CAMKK2: variants seen among roughly 807,000 people sequenced by gnomAD.
CAMKK2 encodes calcium/calmodulin-dependent protein kinase kinase 2.
In CAMKK2, 30 loss-of-function variants were observed where a neutral mutation model predicts 67.2. The ratio of observed to expected loss-of-function variants is 0.45; its 90% CI spans 0.33 to 0.61. CAMKK2 has a LOEUF of 0.61. CAMKK2 is among the 20% of genes least tolerant of loss of function. CAMKK2 has a pLI of 0.02. For synonymous variants in CAMKK2, 322 were observed against 326.2 expected (o/e 0.99, Z 0.14); for missense variants, 643 against 802.0 (o/e 0.80, Z 2.39).
chr12:121,288,696 G>A lies in CAMKK2; in HGVS notation c.-60+7942C>T, dbSNP rs1470832917. On this transcript the variant is annotated intron_variant, in intron 1 of 16. Coordinates refer to ENST00000404169, the MANE Select transcript of CAMKK2 (RefSeq NM_001270485.2). ...CCTGCCTCATGCCTAAGCCACGTGG[G>A]CAGAGGGGCAACACCTTGGCCTCCC... 2.0e-5 allele frequency among the ~76,000 whole-genome samples: 3 copies of A among 152,026 alleles called. No individual in the cohort carries two copies. The South Asian group carries it at 6.2e-4, about 32-fold the overall frequency.
chr12:121,275,510 G>T (rs1464214727), intron 1 of CAMKK2, among the ~76,000 whole-genome samples: 3 of 116,930 alleles, frequency 2.6e-5, no homozygotes, highest in South Asian at 5.3e-4. Flanking sequence ...AAAAAAAAAA[G>T]GTCGGGGGGA....
At chr12:121,269,681 A>G (rs1895334089) in intron 3 of CAMKK2, 100 bp from the exon 4 acceptor site, 1 of 878,622 alleles carries the variant, frequency 1.1e-6, no homozygotes, top group Non-Finnish European at 1.8e-6. Flanking sequence ...CCATTGGTCA[A>G]ATCTGTCCCG....
Position 121,240,812 on chromosome 12 carries a change from C to G in CAMKK2, c.1654G>C (p.Gly552Arg). The part of the protein sequence containing the change: ...GHRPAPRGGG[G>R]SALVRGSPCV... ...GGACTGCCTCTCACAAGAGCACTTC[C>G]TCCTCCCCCACGGGGGGCGGGTCGG... The change falls in exon 17 of 17, where the codon GGA becomes CGA. Residue 552 changes from glycine to arginine, a missense_variant. This residue lies in a region of CAMKK2 where 140 missense variants were observed against 124.2 expected (regional missense o/e 1.13). Coordinates refer to ENST00000404169, the MANE Select transcript of CAMKK2 (RefSeq NM_001270485.2). This position sits in a 1 kb window ranked among gnomAD's most constrained non-coding sequence, Gnocchi z 4.4. 2 of 1,611,824 alleles carry G rather than the reference C, an allele frequency of 1.2e-6. No homozygotes were observed. Among genetic ancestry groups the G allele is most frequent in the Non-Finnish European group, 1.7e-6 (2 of 1,179,646 alleles).
intron 9 of CAMKK2, among the ~76,000 whole-genome samples, chr12:121,255,224 A>ATATATATAAT (rs1566057958): frequency 1.9e-5 from 1 of 51,888 alleles, no homozygotes; most frequent in Admixed American, 3.1e-4. Context: ...ATAATTTTAT[A>ATATATATAAT]TATATATAAT....
At chr12:121,272,658 T>C (rs1895993502) in intron 2 of CAMKK2, among the ~76,000 whole-genome samples, 2 of 147,328 alleles carry the variant, frequency 1.4e-5, no homozygotes, top group South Asian at 4.3e-4. Flanking sequence ...AGGTCAGGAG[T>C]TCGAGACCAG....
chr12:121,289,055 C>T (rs1384494652), intron 1 of CAMKK2, among the ~76,000 whole-genome samples: 1 of 152,076 alleles, frequency 6.6e-6, no homozygotes, highest in Non-Finnish European at 1.5e-5. Flanking sequence ...TAGCCTGTCA[C>T]CAGCACCAAT....
At position 121,240,729 on chromosome 12, in the gene CAMKK2, C is replaced by T. The variant is rs777966197; in HGVS notation, c.1737G>A (p.Leu579=). 1.9e-6 allele frequency: 3 copies of T among 1,608,014 alleles called. No homozygotes were observed. Among genetic ancestry groups the T allele is most frequent in the Non-Finnish European group, 2.5e-6 (3 of 1,178,946 alleles). The part of the protein sequence containing the change: ...APGSPARMHP[L]RPEEAMEPE ...CGGGCTCCATGGCCTCCTCCGGCCG[C>T]AGTGGATGCATGCGTGCGGGGGAGC... Residue 579 remains leucine, a synonymous_variant, in exon 17 of 17, where the codon CTG becomes CTA. Transcript: ENST00000404169. The surrounding 1 kb of genome is among the most constrained non-coding windows in gnomAD (Gnocchi z 4.4).
intron 7 of CAMKK2, among the ~76,000 whole-genome samples, chr12:121,257,049 A>G (rs997862150): frequency 6.6e-6 from 1 of 151,700 alleles, no homozygotes; most frequent in Non-Finnish European, 1.5e-5. Context: ...AGTCGATTTC[A>G]AAATCCAGTG....
chr12:121,286,760 G>C (rs1427458117), intron 1 of CAMKK2, among the ~76,000 whole-genome samples: 1 of 152,182 alleles, frequency 6.6e-6, no homozygotes, highest in East Asian at 1.9e-4. Context: ...CTGAGGCACA[G>C]AGAGCCTGGC....
In CAMKK2 at chr12:121,240,684, G is replaced by A. The variant is rs201317802; in HGVS notation, c.*15C>T. On this transcript the variant is annotated 3_prime_UTR_variant, in exon 17 of 17. Coordinates refer to ENST00000404169, the MANE Select transcript of CAMKK2 (RefSeq NM_001270485.2). This position sits in a 1 kb window ranked among gnomAD's most constrained non-coding sequence, Gnocchi z 4.4. ...GGCGACGCGGCGCGCATGCGAGGTC[G>A]AGCGATCCAGGCAGCTACTCGGGCT... The A allele has an allele frequency of 3.8e-6, 6 of 1,582,964 alleles. No individual in the cohort carries two copies. The South Asian group carries it at 6.8e-5, about 18-fold the overall frequency.
rs1017087178 is a variant in CAMKK2, at chr12:121,238,726, A to G, written c.*1973T>C. ...GCTGTGTAAACAAGAGAAGCCCTGC[A>G]GAAGCTCTAAGCACTGCTGCCCCCT... On this transcript the variant is annotated 3_prime_UTR_variant, in exon 17 of 17. Coordinates refer to ENST00000404169, the MANE Select transcript of CAMKK2 (RefSeq NM_001270485.2). The G allele has an allele frequency of 6.5e-6, 1 of 152,716 alleles. No homozygotes were observed. The highest frequency in any genetic ancestry group is 1.5e-5 in the Non-Finnish European group (1 of 68,080). The allele number at this position is 152,716 out of a possible 1,614,324, so 9.5% of individuals were successfully genotyped here.
Position 121,240,913 on chromosome 12 carries a change from C to T in CAMKK2, c.1597-44G>A. 1 of 1,598,490 alleles carries T rather than the reference C, an allele frequency of 6.3e-7. No individual in the cohort carries two copies. Among genetic ancestry groups the T allele is most frequent in the Admixed American group, 1.7e-5 (1 of 57,940 alleles). The stretch of plus-strand genomic sequence containing the variant: ...ACCAACATTAAGACTCTGAGAAATG[C>T]CAGCGAGGCCCTGAGCCAGCTGCTC... On this transcript the variant is annotated intron_variant, in intron 16 of 16. Transcript: ENST00000404169. The surrounding 1 kb of genome is among the most constrained non-coding windows in gnomAD (Gnocchi z 4.4).
intron 1 of CAMKK2, among the ~76,000 whole-genome samples, chr12:121,278,851 G>A (rs1239263711): frequency 6.6e-6 from 1 of 152,196 alleles, no homozygotes; most frequent in Non-Finnish European, 1.5e-5. Flanking sequence ...CTATGCTCTG[G>A]AATGTTCCCA....
intron 1 of CAMKK2, among the ~76,000 whole-genome samples, chr12:121,275,077 C>G (rs548435167): frequency 6.6e-6 from 1 of 152,136 alleles, no homozygotes; most frequent in Admixed American, 6.5e-5. Context: ...AATTGTTGCT[C>G]GGCAGGAATC....
Position 121,274,138 on chromosome 12 carries a change from G to T in CAMKK2, c.389C>A (p.Pro130His), listed in dbSNP as rs1459116696. 1.3e-6 allele frequency: 2 copies of T among 1,584,942 alleles called. No homozygotes were observed. Among genetic ancestry groups the T allele is most frequent in the East Asian group, 2.3e-5 (1 of 44,196 alleles). The change falls in exon 2 of 17, where the codon CCC becomes CAC. Residue 130 changes from proline (P) to histidine (H), a missense_variant. Around this residue, in one of 3 missense-constraint regions of CAMKK2, gnomAD observed 483 missense variants for 625.8 expected, o/e 0.77. Transcript: ENST00000404169. ...AGGCGAGGACTGCGGGGAGCTGACGGGTGAGTAGGGCAGGGACGGGCAGAT... is the reference window on the plus strand; with the variant it reads ...AGGCGAGGACTGCGGGGAGCTGACGTGTGAGTAGGGCAGGGACGGGCAGAT... ...RCICPSLPYSPVSSPQSSPRL... is the reference protein window; with the variant it reads ...RCICPSLPYSHVSSPQSSPRL...
chr12:121,270,340 A>G (rs919439668), intron 3 of CAMKK2, among the ~76,000 whole-genome samples: 41 of 151,702 alleles, frequency 2.7e-4, no homozygotes, highest in African/African-American at 7.0e-4. Flanking sequence ...ACTGCGCTCC[A>G]GCCTTGGTGA....
chr12:121,287,465 C>A (rs928176086), intron 1 of CAMKK2, among the ~76,000 whole-genome samples: 2 of 152,050 alleles, frequency 1.3e-5, no homozygotes, highest in Admixed American at 6.6e-5. Context: ...GGCAGCCCAG[C>A]AGGCTCGCAG....
At chr12:121,288,395 G>A (rs1280862295) in intron 1 of CAMKK2, among the ~76,000 whole-genome samples, 1 of 149,606 alleles carries the variant, frequency 6.7e-6, no homozygotes, top group Non-Finnish European at 1.5e-5. Context: ...TGAGGGACAA[G>A]AAGAGTGCAG....
chr12:121,254,851 C>T (rs1442984296), intron 9 of CAMKK2, among the ~76,000 whole-genome samples: 10 of 152,082 alleles, frequency 6.6e-5, no homozygotes, highest in Non-Finnish European at 1.0e-4. Context: ...TACTGAGTGT[C>T]AACTTGATTG....
Sources: allele counts gnomAD v4.1 joint callset (sites outside exome capture counted in the v4.1 genomes callset), GRCh38; gene constraint gnomAD v4.1.1; regional missense constraint gnomAD v4.1.1; non-coding constraint Gnocchi (gnomAD v3.1); transcripts MANE v1.5; gene names NCBI Gene and HGNC (gene_info 2026-07-23, HGNC 2026-07-21).